THSD7B: variants seen among roughly 807,000 people sequenced by gnomAD.
THSD7B encodes thrombospondin type-1 domain-containing protein 7B.
In THSD7B, 138 loss-of-function variants were observed where a neutral mutation model predicts 213.6. The ratio of observed to expected loss-of-function variants is 0.65; its 90% CI spans 0.56 to 0.74. The LOEUF is 0.74. Ranked by LOEUF, THSD7B falls within the 30% of genes least tolerant of loss-of-function variation. The probability of loss-of-function intolerance (pLI) is 0.00; values close to 1 mark genes in which losing one functional copy is unlikely to be tolerated. For synonymous variants in THSD7B, 742 were observed against 687.0 expected, an observed-to-expected ratio of 1.08 and a Z score of -1.25; for missense variants, 1,931 against 1,991.5, an observed-to-expected ratio of 0.97 and a Z score of 0.58.
chr2:136,808,455 G>A lies in THSD7B; in HGVS notation c.-36+42768G>A, dbSNP rs142202116. Among the ~76,000 whole-genome samples the A allele has an allele frequency of 1.7e-3, 265 of 152,294 alleles. 1 individual carries two copies. The highest frequency in any genetic ancestry group is 5.7e-3 in the African/African-American group (238 of 41,566). On this transcript the variant is annotated intron_variant, in intron 1 of 27. Coordinates refer to ENST00000409968, the MANE Select transcript of THSD7B (RefSeq NM_001316349.2). ...TCACCTGTTGAATAGATGCATTACA[G>A]TGTGTTTATTGAAGGTTTATGTCCA... is the stretch of plus-strand genomic sequence containing the variant.
chr2:136,801,277 C>T lies in THSD7B; in HGVS notation c.-36+35590C>T, dbSNP rs932829029. On this transcript the variant is annotated intron_variant, in intron 1 of 27. Coordinates refer to ENST00000409968, the MANE Select transcript of THSD7B (RefSeq NM_001316349.2). The stretch of plus-strand genomic sequence containing the variant: ...TTTCTCACTTCACAGATGAGGAAAA[C>T]GGAGGACCACCAAAGTTCAGTTTCC... Among the ~76,000 whole-genome samples, 3 of 152,142 alleles carry T rather than the reference C, an allele frequency of 2.0e-5. No individual in the cohort carries two copies. The South Asian group carries it at 6.2e-4, about 32-fold the overall frequency.
chr2:137,442,297 T>C (rs16838926), intron 14 of THSD7B, among the ~76,000 whole-genome samples: 4,943 of 152,246 alleles, frequency 0.032, 237 homozygotes, highest in African/African-American at 0.11. Flanking sequence ...CTAGCTTAAT[T>C]GTATTTTCTC....
At chr2:137,309,532 T>A (rs900808241) in intron 12 of THSD7B, among the ~76,000 whole-genome samples, 9 of 151,848 alleles carry the variant, frequency 5.9e-5, no homozygotes, top group African/African-American at 2.2e-4. Flanking sequence ...ATACTTTAAG[T>A]TTTAGGGTAC....
At chr2:136,878,749 T>G in intron 1 of THSD7B, among the ~76,000 whole-genome samples, 1 of 152,216 alleles carries the variant, frequency 6.6e-6, no homozygotes, top group Non-Finnish European at 1.5e-5. Flanking sequence ...CTTCGCCCAC[T>G]TGTTAATGGG....
chr2:137,511,087 CTGTT>C (rs1194544660), intron 15 of THSD7B, among the ~76,000 whole-genome samples: 6 of 152,184 alleles, frequency 3.9e-5, no homozygotes, highest in African/African-American at 4.8e-5. Flanking sequence ...TCACAGATCT[CTGTT>C]TATTTATCTT....
At chr2:137,276,893 A>G (rs555191049) in intron 12 of THSD7B, among the ~76,000 whole-genome samples, 130 of 152,210 alleles carry the variant, frequency 8.5e-4, no homozygotes, top group African/African-American at 3.0e-3. Context: ...AAAAATTTAC[A>G]GATGAAATTT....
chr2:137,406,980 AT>A (rs2105006754), intron 13 of THSD7B, among the ~76,000 whole-genome samples: 1 of 152,338 alleles, frequency 6.6e-6, no homozygotes, highest in Non-Finnish European at 1.5e-5. Context: ...CTGTACAAAC[AT>A]AACGCATCGG....
intron 17 of THSD7B, among the ~76,000 whole-genome samples, chr2:137,608,146 T>C (rs1489486550): frequency 6.6e-6 from 1 of 152,204 alleles, no homozygotes; most frequent in Non-Finnish European, 1.5e-5. Flanking sequence ...TTGTGCACTG[T>C]GGGCTCCTCA....
intron 12 of THSD7B, among the ~76,000 whole-genome samples, chr2:137,356,662 C>T (rs1460705678): frequency 3.3e-5 from 5 of 152,098 alleles, no homozygotes; most frequent in African/African-American, 1.2e-4. Context: ...GCTGACCCCA[C>T]CTTATGAGGG....
At chr2:137,618,300 T>C (rs185502531) in intron 18 of THSD7B, 92 bp from the exon 19 acceptor site, 5 of 983,066 alleles carry the variant, frequency 5.1e-6, no homozygotes, top group Non-Finnish European at 6.2e-6. Flanking sequence ...GTGTGGATTA[T>C]TCTCCACCAA....
At chr2:137,295,159 GTTA>G (rs1254336402) in intron 12 of THSD7B, among the ~76,000 whole-genome samples, 9 of 152,016 alleles carry the variant, frequency 5.9e-5, no homozygotes, top group African/African-American at 2.2e-4. Flanking sequence ...TCTCACTGGA[GTTA>G]TTATAGAACA....
intron 3 of THSD7B, among the ~76,000 whole-genome samples, chr2:137,090,157 G>C (rs1360165410): frequency 1.3e-5 from 2 of 151,288 alleles, no homozygotes; most frequent in East Asian, 3.9e-4. Flanking sequence ...GTATATACAG[G>C]TCTATACATA....
chr2:137,596,584 A>C (rs1313835436), intron 17 of THSD7B, among the ~76,000 whole-genome samples: 4 of 152,010 alleles, frequency 2.6e-5, no homozygotes. Context: ...AAATTAATCA[A>C]AGCACATGCA....
intron 14 of THSD7B, among the ~76,000 whole-genome samples, chr2:137,422,528 T>A (rs911908218): frequency 6.6e-6 from 1 of 152,168 alleles, no homozygotes; most frequent in Non-Finnish European, 1.5e-5. Context: ...GAAAGATCCA[T>A]TGGGAATAGC....
intron 15 of THSD7B, among the ~76,000 whole-genome samples, chr2:137,498,089 T>G (rs4954518): frequency 0.61 from 92,601 of 152,058 alleles, 29,958 homozygotes; most frequent in East Asian, 0.73. Context: ...GAACTTTCCC[T>G]TATATAAAAT....
chr2:136,976,684 C>G (rs151028913), intron 2 of THSD7B, among the ~76,000 whole-genome samples: 2 of 151,258 alleles, frequency 1.3e-5, no homozygotes, highest in Non-Finnish European at 2.9e-5. Context: ...CTCAGTGGTA[C>G]GATCTCGGCT....
intron 10 of THSD7B, among the ~76,000 whole-genome samples, chr2:137,262,036 G>T (rs1479586779): frequency 2.0e-5 from 3 of 151,768 alleles, no homozygotes; most frequent in Non-Finnish European, 4.4e-5. Flanking sequence ...TCCTGTAAAA[G>T]CTGAGGATGC....
intron 14 of THSD7B, among the ~76,000 whole-genome samples, chr2:137,446,855 T>C (rs184929678): frequency 2.6e-5 from 4 of 152,122 alleles, no homozygotes; most frequent in African/African-American, 9.6e-5. Context: ...TGGAAATGAG[T>C]TTCTTAAACA....
intron 17 of THSD7B, among the ~76,000 whole-genome samples, chr2:137,615,484 C>G (rs1422969948): frequency 6.6e-6 from 1 of 152,082 alleles, no homozygotes; most frequent in Non-Finnish European, 1.5e-5. Context: ...TCTGGCAGGC[C>G]GGTTGACCTG....
Sources: allele counts gnomAD v4.1 joint callset (sites outside exome capture counted in the v4.1 genomes callset), GRCh38; gene constraint gnomAD v4.1.1; transcripts MANE v1.5; gene names NCBI Gene and HGNC (gene_info 2026-07-23, HGNC 2026-07-21).